Variants in TPRG1 observed in about 807,000 individuals in gnomAD.
TPRG1 encodes tumor protein p63-regulated gene 1 protein.
Under a neutral mutation model 29.3 loss-of-function variants are expected in TPRG1, and 29 were observed. The ratio of observed to expected loss-of-function variants is 0.99; its 90% CI spans 0.74 to 1.35. The LOEUF is 1.35. TPRG1 is among the 40% of genes most tolerant of loss of function. The pLI is 0.00. For synonymous variants in TPRG1, 130 were observed against 116.8 expected (o/e 1.11, Z -0.73); for missense variants, 327 against 335.0 (o/e 0.98, Z 0.19).
chr3:189,147,535 G>A (rs374056576), intron 3 of TPRG1: 10 of 152,330 alleles, frequency 6.6e-5, no homozygotes, highest in South Asian at 2.1e-4. Flanking sequence ...GTTTTGTATC[G>A]TCTGGGAGAC....
intron 3 of TPRG1, among the ~76,000 whole-genome samples, chr3:189,228,176 T>C (rs1738076602): frequency 6.6e-6 from 1 of 152,064 alleles, no homozygotes; most frequent in African/African-American, 2.4e-5. Context: ...AAAAGAAAAT[T>C]TTAGGCTCAG....
At chr3:189,015,119 T>G (rs1379175282) in intron 3 of TPRG1, among the ~76,000 whole-genome samples, 1 of 152,158 alleles carries the variant, frequency 6.6e-6, no homozygotes, top group Non-Finnish European at 1.5e-5. Context: ...CAGGGCGAGG[T>G]GTTCTCAGGT....
At chr3:189,060,461 A>G (rs1716028659) in intron 4 of TPRG1, among the ~76,000 whole-genome samples, 3 of 152,180 alleles carry the variant, frequency 2.0e-5, no homozygotes, top group Admixed American at 2.0e-4. Flanking sequence ...GGTAAGAGAA[A>G]GAAATAAACA....
intron 4 of TPRG1, among the ~76,000 whole-genome samples, chr3:189,067,084 AAAAC>A (rs1716501908): frequency 6.6e-6 from 1 of 152,156 alleles, no homozygotes; most frequent in African/African-American, 2.4e-5. Flanking sequence ...AGTTACAAAT[AAAAC>A]AAAATACCTA....
At position 189,320,768 on chromosome 3, in the gene TPRG1, GA is replaced by G. The variant is rs780367296; in HGVS notation, c.779del (p.Asn260ThrfsTer33). On this transcript the variant is annotated frameshift_variant, in exon 6 of 6. Coordinates refer to ENST00000345063, the MANE Select transcript of TPRG1 (RefSeq NM_198485.4). LOFTEE classifies it high-confidence loss of function. ...TACACAGGGCTGATGTCATTCATTG[GA>G]AACCGCAACAAACTTGGCTATTCCC... Reference protein sequence around the residue: ...ETYTGLMSFIGNRNKLGYSLA... With the variant: ...ETYTGLMSFIXNRNKLGYSLA... The G allele has an allele frequency of 6.2e-7, 1 of 1,610,514 alleles. No homozygotes were observed. The highest frequency in any genetic ancestry group is 8.5e-7 in the Non-Finnish European group (1 of 1,178,368).
At chr3:189,037,745 G>A (rs1342025475) in intron 4 of TPRG1, among the ~76,000 whole-genome samples, 2 of 151,628 alleles carry the variant, frequency 1.3e-5, no homozygotes, top group Non-Finnish European at 3.0e-5. Context: ...ACTAGTAAGA[G>A]TATTTCTGGA....
Position 189,198,439 on chromosome 3 carries a change from G to T in TPRG1, c.-9-8937G>T, listed in dbSNP as rs559226841. On this transcript the variant is annotated intron_variant, in intron 1 of 5. Coordinates refer to ENST00000345063, the MANE Select transcript of TPRG1 (RefSeq NM_198485.4). ...TGAGCTTCTATAGATTAAAGACTGTGGTATGAGTTCCTATGTGTGTCTGTG... is the reference window on the plus strand; with the variant it reads ...TGAGCTTCTATAGATTAAAGACTGTTGTATGAGTTCCTATGTGTGTCTGTG... 6.6e-5 allele frequency among the ~76,000 whole-genome samples: 10 copies of T among 152,182 alleles called. No homozygotes were observed. The South Asian group carries it at 8.3e-4, about 13-fold the overall frequency.
intron 3 of TPRG1, among the ~76,000 whole-genome samples, chr3:189,019,537 C>T (rs1422286563): frequency 2.6e-5 from 4 of 152,192 alleles, no homozygotes; most frequent in Non-Finnish European, 5.9e-5. Context: ...ATTACATTTA[C>T]TGATTTGCGT....
chr3:189,293,330 C>A (rs188077502), intron 4 of TPRG1, among the ~76,000 whole-genome samples: 82 of 152,260 alleles, frequency 5.4e-4, no homozygotes, highest in African/African-American at 1.8e-3. Context: ...TATGCTGGTG[C>A]AATGTGCCTG....
intron 5 of TPRG1, among the ~76,000 whole-genome samples, chr3:189,158,260 T>C (rs1726963664): frequency 6.6e-6 from 1 of 152,224 alleles, no homozygotes; most frequent in Non-Finnish European, 1.5e-5. Context: ...TTCACTATTA[T>C]TCTCTTTATG....
intron 3 of TPRG1, among the ~76,000 whole-genome samples, chr3:189,217,255 G>A (rs969081584): frequency 2.6e-5 from 4 of 152,130 alleles, no homozygotes; most frequent in Non-Finnish European, 5.9e-5. Context: ...AGAAAAGTAT[G>A]AACAGCTGTC....
chr3:189,086,602 A>G (rs1015794202), intron 4 of TPRG1, among the ~76,000 whole-genome samples: 1 of 144,564 alleles, frequency 6.9e-6, no homozygotes, highest in Non-Finnish European at 1.5e-5. Flanking sequence ...ATCTCGGCTC[A>G]CCACAACCTC....
intron 4 of TPRG1, among the ~76,000 whole-genome samples, chr3:189,081,357 A>G (rs563602635): frequency 1.7e-4 from 26 of 152,152 alleles, no homozygotes; most frequent in Non-Finnish European, 1.9e-4. Flanking sequence ...GCACAAGTGA[A>G]AGGGACCGAG....
At chr3:189,165,817 T>C (rs1252817743) in intron 5 of TPRG1, among the ~76,000 whole-genome samples, 3 of 152,006 alleles carry the variant, frequency 2.0e-5, no homozygotes, top group African/African-American at 7.2e-5. Flanking sequence ...TGCCAAGAGG[T>C]GGAAACTGCT....
chr3:189,049,912 C>T (rs1294518665), intron 4 of TPRG1, among the ~76,000 whole-genome samples: 3 of 152,014 alleles, frequency 2.0e-5, no homozygotes, highest in Non-Finnish European at 4.4e-5. Context: ...CTATCAAAAC[C>T]TCTGGGATAC....
At chr3:189,276,328 A>G (rs1387413841) in intron 4 of TPRG1, among the ~76,000 whole-genome samples, 3 of 152,166 alleles carry the variant, frequency 2.0e-5, no homozygotes, top group Non-Finnish European at 2.9e-5. Flanking sequence ...GTGGAAGAGC[A>G]TTTTAAAAAA....
At chr3:189,160,573 G>C (rs1419929713) in intron 5 of TPRG1, among the ~76,000 whole-genome samples, 2 of 152,210 alleles carry the variant, frequency 1.3e-5, no homozygotes, top group Non-Finnish European at 2.9e-5. Context: ...GAGAAGAAAA[G>C]AGGGATAGCG....
intron 4 of TPRG1, among the ~76,000 whole-genome samples, chr3:189,042,627 T>C (rs1309372036): frequency 6.6e-6 from 1 of 151,866 alleles, no homozygotes; most frequent in Non-Finnish European, 1.5e-5. Context: ...CCAACCCAGG[T>C]CTTCTCACTG....
At chr3:189,219,282 G>A (rs1241835551) in intron 3 of TPRG1, among the ~76,000 whole-genome samples, 1 of 152,104 alleles carries the variant, frequency 6.6e-6, no homozygotes, top group African/African-American at 2.4e-5. Flanking sequence ...AGGCACTTGG[G>A]AAGAGAAGAC....
Sources: gnomAD v4.1 joint callset for allele counts (sites outside exome capture counted in the v4.1 genomes callset) on GRCh38, gnomAD v4.1.1 for gene constraint, MANE v1.5 for transcripts, NCBI Gene and HGNC (gene_info 2026-07-23, HGNC 2026-07-21) for gene names.